Variants in LONP2 observed in about 807,000 individuals in gnomAD.
The protein encoded by LONP2 is lon peptidase 2, peroxisomal.
LONP2 carries 60 observed loss-of-function variants against 85.6 expected under a neutral mutation model. The ratio of observed to expected loss-of-function variants is 0.70; its 90% CI spans 0.57 to 0.87. LONP2 has a LOEUF of 0.87. Ranked by LOEUF, LONP2 falls within the 40% of genes least tolerant of loss-of-function variation. The pLI is 0.00. For synonymous variants in LONP2, 395 were observed against 389.7 expected, an observed-to-expected ratio of 1.01 and a Z score of -0.16; for missense variants, 860 against 1,063.5, an observed-to-expected ratio of 0.81 and a Z score of 2.66.
intron 7 of LONP2, among the ~76,000 whole-genome samples, chr16:48,275,698 T>A (rs9931294): frequency 0.21 from 31,616 of 152,028 alleles, 4,049 homozygotes; most frequent in African/African-American, 0.36. Flanking sequence ...TTGATTGTGG[T>A]TGAAGCAAGA....
At chr16:48,311,982 C>T (rs1161042090) in intron 11 of LONP2, among the ~76,000 whole-genome samples, 1 of 151,884 alleles carries the variant, frequency 6.6e-6, no homozygotes, top group Admixed American at 6.6e-5. Context: ...ACCCTGTCAC[C>T]CAGGCTAGAG....
downstream of LONP2, chr16:48,361,230 C>T (rs1015063476): frequency 2.3e-5 from 6 of 255,598 alleles, no homozygotes; most frequent in African/African-American, 9.1e-5. Context: ...CACACACCCA[C>T]GCAGGCACAC....
intron 7 of LONP2, among the ~76,000 whole-genome samples, chr16:48,276,413 G>A (rs775207392): frequency 2.0e-5 from 3 of 152,070 alleles, no homozygotes; most frequent in African/African-American, 7.2e-5. Flanking sequence ...TTTTCTTCTC[G>A]GCAGTCAGGC....
At position 48,354,189 on chromosome 16, in the gene LONP2, C is replaced by G. The variant is rs12926706; in HGVS notation, c.*2387C>G. The G allele has an allele frequency of 1.7e-5, 2 of 119,642 alleles. No homozygotes were observed. The highest frequency in any genetic ancestry group is 3.2e-5 in the African/African-American group (1 of 30,816). The allele number at this position is 119,642 out of a possible 1,614,324, so 7.4% of individuals were successfully genotyped here. On this transcript the variant is annotated 3_prime_UTR_variant, in exon 15 of 15. Transcript: ENST00000285737. Reference sequence around the variant, plus strand: ...GTTACTGGATCTAAGCATGTCCACTCTACACGCTTTTTTTTTTTTTTTTTT... The same window carrying G: ...GTTACTGGATCTAAGCATGTCCACTGTACACGCTTTTTTTTTTTTTTTTTT...
intron 1 of LONP2, among the ~76,000 whole-genome samples, chr16:48,246,632 G>A (rs904618653): frequency 1.2e-4 from 19 of 152,118 alleles, no homozygotes; most frequent in Admixed American, 2.0e-4. Context: ...GTGCAGTGGC[G>A]TGATCGTAGC....
chr16:48,327,349 G>T (rs1178883786), intron 11 of LONP2, among the ~76,000 whole-genome samples: 1 of 152,176 alleles, frequency 6.6e-6, no homozygotes, highest in African/African-American at 2.4e-5. Context: ...TCTTTTAAGT[G>T]GGAAAATAGT....
At chr16:48,312,062 T>C (rs1973043455) in intron 11 of LONP2, among the ~76,000 whole-genome samples, 1 of 152,086 alleles carries the variant, frequency 6.6e-6, no homozygotes, top group African/African-American at 2.4e-5. Context: ...TGCCTCAGCC[T>C]CCTGAGTAGC....
At position 48,299,798 on chromosome 16, in the gene LONP2, C is replaced by T; in HGVS notation, c.1661+10C>T. 6.2e-7 allele frequency: 1 copy of T among 1,608,674 alleles called. No homozygotes were observed. ...TTGACATCATCACCAGGTTAGTTAGCCATCCTGAGGCTTCATTAACTCCAG... is the reference window on the plus strand; with the variant it reads ...TTGACATCATCACCAGGTTAGTTAGTCATCCTGAGGCTTCATTAACTCCAG... On this transcript the variant is annotated intron_variant, in intron 10 of 14. Coordinates refer to ENST00000285737, the MANE Select transcript of LONP2 (RefSeq NM_031490.5).
In LONP2 at chr16:48,296,012, T is replaced by G. The variant is rs1332675362; in HGVS notation, c.1384-3T>G. ...TTTTAAAATGTTTTTTGTTCTCCCCTAGGTGTTGGATCCTGAACAAAACCA... is the reference window on the plus strand; with the variant it reads ...TTTTAAAATGTTTTTTGTTCTCCCCGAGGTGTTGGATCCTGAACAAAACCA... On this transcript the variant is annotated splice_polypyrimidine_tract_variant and splice_region_variant and intron_variant, in intron 8 of 14. Coordinates refer to ENST00000285737, the MANE Select transcript of LONP2 (RefSeq NM_031490.5). 6.2e-7 allele frequency: 1 copy of G among 1,613,470 alleles called. No homozygotes were observed.
chr16:48,311,186 A>G (rs572425672), intron 11 of LONP2, among the ~76,000 whole-genome samples: 3 of 152,228 alleles, frequency 2.0e-5, no homozygotes, highest in African/African-American at 7.2e-5. Context: ...TTGTATCTGG[A>G]TGTCTAGATC....
At chr16:48,282,888 C>T (rs1972360085) in intron 8 of LONP2, among the ~76,000 whole-genome samples, 1 of 152,188 alleles carries the variant, frequency 6.6e-6, no homozygotes, top group Non-Finnish European at 1.5e-5. Context: ...AGCTAGGCCT[C>T]TTGTGCCAGA....
chr16:48,336,717 G>T (rs1407624926), intron 12 of LONP2, among the ~76,000 whole-genome samples: 1 of 152,118 alleles, frequency 6.6e-6, no homozygotes, highest in African/African-American at 2.4e-5. Flanking sequence ...AAATCACAAT[G>T]GTGGAATGTC....
At chr16:48,342,702 T>G (rs554090179) in intron 12 of LONP2, among the ~76,000 whole-genome samples, 1 of 152,216 alleles carries the variant, frequency 6.6e-6, no homozygotes, top group South Asian at 2.1e-4. Context: ...CTGAAACAAA[T>G]CTACAACTAG....
downstream of LONP2, among the ~76,000 whole-genome samples, chr16:48,357,568 T>C (rs1960420854): frequency 6.6e-6 from 1 of 152,228 alleles, no homozygotes; most frequent in Admixed American, 6.5e-5. Context: ...ATTACTTTTA[T>C]GTCCATTCTA....
chr16:48,244,607 G>C lies in LONP2; in HGVS notation c.219G>C (p.Leu73=). ...ACCCCGCCAGCGACGCGCAGGACCT[G>C]CCGCCGCTGCACAGGTAGGCCTGGC... is the stretch of plus-strand genomic sequence containing the variant. ...TPDPASDAQD[L]PPLHRIGTAA... Residue 73 remains leucine (L), a synonymous_variant, in exon 1 of 15, where the codon CTG becomes CTC. Transcript: ENST00000285737. The C allele has an allele frequency of 6.8e-7, 1 of 1,478,124 alleles. No individual in the cohort carries two copies. The highest frequency in any genetic ancestry group is 8.9e-7 in the Non-Finnish European group (1 of 1,117,578). 91.6% of individuals were successfully genotyped at this position (1,478,124 alleles called of 1,614,324 possible).
chr16:48,314,110 AG>A (rs2151010036), intron 11 of LONP2, among the ~76,000 whole-genome samples: 1 of 150,748 alleles, frequency 6.6e-6, no homozygotes, highest in Admixed American at 6.6e-5. Context: ...TCTTCTTTTG[AG>A]AAGTGTCTGT....
rs577354042 is a variant in LONP2, at chr16:48,327,276, C to T, written c.1796-6940C>T. ...CTAGTAAAGAAGAGCTGGGATATAC[C>T]TCTGCATAGATTAAATCAACTAGAA... On this transcript the variant is annotated intron_variant, in intron 11 of 14. Transcript: ENST00000285737. Among the ~76,000 whole-genome samples, 3 of 152,280 alleles carry T rather than the reference C, an allele frequency of 2.0e-5. No homozygotes were observed. The East Asian group carries it at 5.8e-4, about 29-fold the overall frequency.
chr16:48,302,879 T>G (rs1332615940), intron 10 of LONP2, among the ~76,000 whole-genome samples: 2 of 152,242 alleles, frequency 1.3e-5, no homozygotes, highest in African/African-American at 4.8e-5. Flanking sequence ...GTTTTTTATA[T>G]GCTGCCAAGT....
At chr16:48,265,182 T>C (rs1971965007) in intron 6 of LONP2, among the ~76,000 whole-genome samples, 1 of 152,232 alleles carries the variant, frequency 6.6e-6, no homozygotes. Flanking sequence ...CTCATTTTGC[T>C]GAACTTTTTT....
Sources: allele counts gnomAD v4.1 joint callset (sites outside exome capture counted in the v4.1 genomes callset), GRCh38; gene constraint gnomAD v4.1.1; transcripts MANE v1.5; gene names NCBI Gene and HGNC (gene_info 2026-07-23, HGNC 2026-07-21).